The following RAD51B variants were observed in gnomAD, a reference collection of about 807,000 sequenced individuals.
RAD51B encodes DNA repair protein RAD51 homolog 2.
Under a neutral mutation model 42.2 loss-of-function variants are expected in RAD51B, and 38 were observed. That is an observed-to-expected ratio of 0.90 (90% CI 0.70 to 1.18). The LOEUF is 1.18. Among genes scored for constraint, RAD51B ranks in the 50% most tolerant of loss-of-function variants. RAD51B has a pLI of 0.00. For synonymous variants in RAD51B, 154 were observed against 145.2 expected (o/e 1.06, Z -0.43); for missense variants, 373 against 400.7 (o/e 0.93, Z 0.59).
intron 7 of RAD51B, among the ~76,000 whole-genome samples, chr14:68,192,556 G>C (rs1453125162): frequency 6.6e-6 from 1 of 152,092 alleles, no homozygotes; most frequent in Non-Finnish European, 1.5e-5. Context: ...CTCAATATCA[G>C]CCATCAGAAG....
intron 10 of RAD51B, among the ~76,000 whole-genome samples, chr14:68,511,826 G>A (rs550641154): frequency 1.3e-5 from 2 of 152,294 alleles, no homozygotes; most frequent in Non-Finnish European, 2.9e-5. Flanking sequence ...GGATTTGCTT[G>A]ACTATCTCAT....
At chr14:68,215,466 T>C (rs1388186566) in intron 7 of RAD51B, among the ~76,000 whole-genome samples, 1 of 152,226 alleles carries the variant, frequency 6.6e-6, no homozygotes, top group African/African-American at 2.4e-5. Flanking sequence ...CACCAATCTG[T>C]TCCAACTACC....
chr14:68,276,370 T>C (rs1205557163), intron 7 of RAD51B, among the ~76,000 whole-genome samples: 1 of 152,226 alleles, frequency 6.6e-6, no homozygotes, highest in African/African-American at 2.4e-5. Context: ...TTTTCATGGA[T>C]TACTTGCTAC....
chr14:68,234,491 A>G (rs1445329245), intron 7 of RAD51B, among the ~76,000 whole-genome samples: 3 of 152,194 alleles, frequency 2.0e-5, no homozygotes, highest in Non-Finnish European at 4.4e-5. Context: ...AAAAACCTAG[A>G]TGGTATAGCC....
chr14:67,993,155 ATG>A (rs1158242129), intron 7 of RAD51B, among the ~76,000 whole-genome samples: 1 of 152,206 alleles, frequency 6.6e-6, no homozygotes, highest in Non-Finnish European at 1.5e-5. Context: ...CAGATACACA[ATG>A]TGTAATAATC....
intron 4 of RAD51B, among the ~76,000 whole-genome samples, chr14:67,857,142 A>G (rs1018995625): frequency 6.6e-6 from 1 of 152,160 alleles, no homozygotes; most frequent in East Asian, 1.9e-4. Context: ...GTTTTCACCC[A>G]CTAAATAAAC....
intron 10 of RAD51B, among the ~76,000 whole-genome samples, chr14:68,574,683 C>T (rs775048994): frequency 2.0e-5 from 3 of 152,224 alleles, no homozygotes; most frequent in Non-Finnish European, 4.4e-5. Flanking sequence ...GCAACAGCCC[C>T]GTGGTTTCAG....
At chr14:68,104,352 G>T (rs1335773206) in intron 7 of RAD51B, among the ~76,000 whole-genome samples, 1 of 152,088 alleles carries the variant, frequency 6.6e-6, no homozygotes, top group Non-Finnish European at 1.5e-5. Context: ...GTTTTGTTTT[G>T]TTTTAAGAAC....
chr14:67,956,508 A>G (rs2074550573), intron 7 of RAD51B, among the ~76,000 whole-genome samples: 1 of 152,194 alleles, frequency 6.6e-6, no homozygotes, highest in Non-Finnish European at 1.5e-5. Flanking sequence ...GAAATAAAAT[A>G]AAATAAAATA....
intron 8 of RAD51B, among the ~76,000 whole-genome samples, chr14:68,336,860 T>C (rs1038504359): frequency 6.6e-6 from 1 of 152,208 alleles, no homozygotes; most frequent in Admixed American, 6.5e-5. Context: ...TCCCCAGTGC[T>C]TTTAACCAAA....
At chr14:68,095,503 G>T (rs892690100) in intron 7 of RAD51B, among the ~76,000 whole-genome samples, 4 of 151,824 alleles carry the variant, frequency 2.6e-5, no homozygotes, top group Non-Finnish European at 1.5e-5. Flanking sequence ...TATGGATTTT[G>T]TACTTCCCTC....
Position 68,150,917 on chromosome 14 carries a change from A to G in RAD51B, c.757-140967A>G, listed in dbSNP as rs185606124. Reference sequence around the variant, plus strand: ...AATATACTTTAGTTATAAATCCCACACTGAGTTTTATTTTAGTCAATTATC... The same window carrying G: ...AATATACTTTAGTTATAAATCCCACGCTGAGTTTTATTTTAGTCAATTATC... On this transcript the variant is annotated intron_variant, in intron 7 of 10. Coordinates refer to ENST00000471583, the MANE Select transcript of RAD51B (RefSeq NM_133510.4). Among the ~76,000 whole-genome samples the G allele has an allele frequency of 5.6e-4, 86 of 152,274 alleles. 2 individuals carry two copies. In the East Asian group the frequency reaches 0.014, roughly 25 times the overall value.
rs1386715205 is a variant in RAD51B at position 68,282,708 on chromosome 14, TAGTG to T, written c.757-9171_757-9168del. Among the ~76,000 whole-genome samples, 6 of 152,344 alleles carry T rather than the reference TAGTG, an allele frequency of 3.9e-5. No homozygotes were observed. In the East Asian group the frequency reaches 1.2e-3, roughly 29 times the overall value. On this transcript the variant is annotated intron_variant, in intron 7 of 10. Transcript: ENST00000471583. The stretch of plus-strand genomic sequence containing the variant: ...ACCTTGTGACCTCTGTTTCAATACA[TAGTG>T]AGTGGCCTTTGCTCCCATTTTATGC...
intron 8 of RAD51B, among the ~76,000 whole-genome samples, chr14:68,349,672 CT>C (rs2082744352): frequency 6.6e-6 from 1 of 152,114 alleles, no homozygotes; most frequent in Admixed American, 6.5e-5. Context: ...GGCTTCCCTA[CT>C]TTTTTATATC....
intron 7 of RAD51B, among the ~76,000 whole-genome samples, chr14:68,164,495 ATTG>A (rs1566696714): frequency 2.0e-5 from 3 of 152,318 alleles, no homozygotes; most frequent in Admixed American, 2.0e-4. Context: ...GCAAAATGTT[ATTG>A]TTAAGTTAAA....
intron 11 of RAD51B, among the ~76,000 whole-genome samples, chr14:68,675,840 C>T (rs550815633): frequency 2.6e-5 from 4 of 152,274 alleles, no homozygotes; most frequent in African/African-American, 9.6e-5. Flanking sequence ...CCAGCCCAGC[C>T]ACATCCTCTT....
intron 10 of RAD51B, among the ~76,000 whole-genome samples, chr14:68,491,580 A>G (rs1884073894): frequency 6.6e-6 from 1 of 152,182 alleles, no homozygotes; most frequent in South Asian, 2.1e-4. Context: ...TGGAGCAGAC[A>G]GCTCCTAGTG....
At chr14:68,612,320 T>C (rs1040699213), downstream of RAD51B, among the ~76,000 whole-genome samples, 13 of 152,184 alleles carry the variant, frequency 8.5e-5, no homozygotes, top group African/African-American at 3.1e-4. Flanking sequence ...ACTCAACTTG[T>C]AGAAGAGCAG....
chr14:67,925,961 G>A lies in RAD51B; in HGVS notation c.756+38757G>A, dbSNP rs1484656194. On this transcript the variant is annotated intron_variant, in intron 7 of 10. Coordinates refer to ENST00000471583, the MANE Select transcript of RAD51B (RefSeq NM_133510.4). ...CCCTGGGCTGCACACAGCCTGGGCCGCACACAGCACAGGGACCCTGGGCCC... is the reference window on the plus strand; with the variant it reads ...CCCTGGGCTGCACACAGCCTGGGCCACACACAGCACAGGGACCCTGGGCCC... Among the ~76,000 whole-genome samples the A allele has an allele frequency of 5.3e-5, 8 of 152,112 alleles. No individual in the cohort carries two copies. In the East Asian group the frequency reaches 7.7e-4, roughly 15 times the overall value.
Sources: gnomAD v4.1 joint callset for allele counts (sites outside exome capture counted in the v4.1 genomes callset) on GRCh38, gnomAD v4.1.1 for gene constraint, MANE v1.5 for transcripts, NCBI Gene and HGNC (gene_info 2026-07-23, HGNC 2026-07-21) for gene names.